Variants in HELQ observed in about 807,000 individuals in gnomAD.
HELQ encodes the protein helicase POLQ-like.
A neutral mutation model predicts 111.6 loss-of-function variants in HELQ; 77 were observed. That is an observed-to-expected ratio of 0.69 (90% CI 0.57 to 0.83). The LOEUF (loss-of-function observed/expected upper bound fraction) is 0.83. HELQ is among the 40% of genes least tolerant of loss of function. The probability of loss-of-function intolerance (pLI) is 0.00; values close to 1 mark genes in which losing one functional copy is unlikely to be tolerated. For missense variants in HELQ, 1,200 were observed against 1,288.5 expected, an observed-to-expected ratio of 0.93 and a Z score of 1.05; for synonymous variants, 438 against 454.7, an observed-to-expected ratio of 0.96 and a Z score of 0.47.
At chr4:83,447,720 G>A (rs1369029674) in intron 3 of HELQ, among the ~76,000 whole-genome samples, 5 of 151,726 alleles carry the variant, frequency 3.3e-5, no homozygotes, top group African/African-American at 9.7e-5. Context: ...TTAGCCGGGC[G>A]TGGTGGCGTG....
chr4:83,451,290 C>T (rs991071892), intron 2 of HELQ, among the ~76,000 whole-genome samples: 1 of 152,068 alleles, frequency 6.6e-6, no homozygotes, highest in East Asian at 1.9e-4. Context: ...GCCCAAAGTG[C>T]TAAGGTTGCA....
intron 15 of HELQ, among the ~76,000 whole-genome samples, chr4:83,418,539 T>C (rs549842345): frequency 7.2e-5 from 11 of 152,332 alleles, no homozygotes; most frequent in African/African-American, 2.6e-4. Context: ...ACATCTGGAA[T>C]TTATCTGGAA....
intron 2 of HELQ, among the ~76,000 whole-genome samples, chr4:83,451,958 T>C (rs2110015583): frequency 6.6e-6 from 1 of 152,338 alleles, no homozygotes; most frequent in Non-Finnish European, 1.5e-5. Flanking sequence ...TTTCATATCA[T>C]TCATAAGATC....
chr4:83,431,691 T>A lies in HELQ; in HGVS notation c.2268A>T (p.Thr756=), dbSNP rs749350328. 1 of 1,554,908 alleles carries A rather than the reference T, an allele frequency of 6.4e-7. No individual in the cohort carries two copies. The highest frequency in any genetic ancestry group is 8.7e-7 in the Non-Finnish European group (1 of 1,149,350). ...TCAAACCAATCAAAGAGAGAAATAA[T>A]GTTTGGATTCCCTTGGTGAATTCCT... ...LVQEFTKGIQ[T]LFLSLIGLKI... is the part of the protein sequence containing the mutation. Residue 756 remains threonine, a synonymous_variant, in exon 11 of 18, where the codon ACA becomes ACT. Coordinates refer to ENST00000295488, the MANE Select transcript of HELQ (RefSeq NM_133636.5).
At chr4:83,422,641 G>GA (rs1313576436) in intron 14 of HELQ, among the ~76,000 whole-genome samples, 1 of 152,192 alleles carries the variant, frequency 6.6e-6, no homozygotes, top group Non-Finnish European at 1.5e-5. Flanking sequence ...AGAGGCTCCT[G>GA]AAGGAATCAA....
intron 12 of HELQ, among the ~76,000 whole-genome samples, chr4:83,428,828 A>T (rs1403296035): frequency 4.0e-5 from 6 of 151,126 alleles, no homozygotes; most frequent in African/African-American, 1.2e-4. Flanking sequence ...GTTTCAGAAT[A>T]ATATAAATGA....
At chr4:83,439,624 G>A (rs1185165942) in intron 8 of HELQ, among the ~76,000 whole-genome samples, 1 of 152,156 alleles carries the variant, frequency 6.6e-6, no homozygotes. Context: ...GCCTCCCAAA[G>A]TGCTGGGATT....
chr4:83,439,810 G>A, intron 8 of HELQ, 53 bp downstream of exon 8: 1 of 1,164,624 alleles, frequency 8.6e-7, no homozygotes, highest in Non-Finnish European at 1.3e-6. Flanking sequence ...TTAATACATA[G>A]TCTGTAATTC....
intron 11 of HELQ, 50 bp from the exon 12 acceptor site, chr4:83,429,796 C>T: frequency 9.1e-7 from 1 of 1,094,864 alleles, no homozygotes; most frequent in South Asian, 1.4e-5. Context: ...TTCAAGGCAT[C>T]ACCTTGAATG....
At chr4:83,429,301 C>T (rs998245331) in intron 12 of HELQ, among the ~76,000 whole-genome samples, 3 of 152,090 alleles carry the variant, frequency 2.0e-5, no homozygotes, top group African/African-American at 7.2e-5. Flanking sequence ...CATGTATCAC[C>T]ATGCCTGGCT....
chr4:83,410,096 C>A (rs1275691828), intron 17 of HELQ, among the ~76,000 whole-genome samples: 3 of 151,988 alleles, frequency 2.0e-5, no homozygotes, highest in African/African-American at 4.8e-5. Flanking sequence ...ACAACAACAA[C>A]AAAAAATTAG....
intron 15 of HELQ, among the ~76,000 whole-genome samples, chr4:83,419,643 C>T (rs762388985): frequency 1.7e-4 from 25 of 151,362 alleles, no homozygotes; most frequent in Non-Finnish European, 2.5e-4. Context: ...TCCTCATAGT[C>T]GCAATGAAAA....
chr4:83,453,992 G>A, intron 1 of HELQ, 47 bp from the exon 2 acceptor site: 1 of 1,171,006 alleles, frequency 8.5e-7, no homozygotes, highest in Non-Finnish European at 1.2e-6. Context: ...GTTTCATTAA[G>A]AATAAAAGCT....
chr4:83,433,732 C>T (rs1318911622), intron 9 of HELQ, among the ~76,000 whole-genome samples: 2 of 149,680 alleles, frequency 1.3e-5, no homozygotes, highest in Admixed American at 6.7e-5. Context: ...CCTGTAAATC[C>T]CAGCACTTTG....
chr4:83,407,602 C>T (rs771464701), intron 17 of HELQ, 42 bp from the exon 18 acceptor site: 13 of 1,282,362 alleles, frequency 1.0e-5, no homozygotes, highest in African/African-American at 2.9e-5. Context: ...ATATGCATTG[C>T]TAGAGAATTG....
intron 9 of HELQ, among the ~76,000 whole-genome samples, chr4:83,432,615 T>G (rs963424709): frequency 6.6e-6 from 1 of 152,210 alleles, no homozygotes; most frequent in Admixed American, 6.5e-5. Flanking sequence ...GTAGCAGTAG[T>G]CTCCAAAGCG....
chr4:83,411,988 C>A (rs1259666899), intron 17 of HELQ, among the ~76,000 whole-genome samples: 1 of 152,070 alleles, frequency 6.6e-6, no homozygotes, highest in Non-Finnish European at 1.5e-5. Flanking sequence ...ATAGGAAGCA[C>A]ATTGAGAAAG....
In HELQ at chr4:83,446,869, C is replaced by T. The variant is rs1721076360; in HGVS notation, c.1358G>A (p.Arg453Lys). The change falls in exon 4 of 18, where the codon AGA becomes AAA. Residue 453 changes from arginine (R) to lysine (K), a missense_variant. Arg to Lys is a conservative substitution (Grantham distance 26). This residue lies in a region of HELQ where 610 missense variants were observed against 607.1 expected (regional missense o/e 1.00). Transcript: ENST00000295488. ...AACAACCAGACCCAGACTGTCAATTCTTCCAGTTTCAATCAAGGAGTTCAC... is the reference window on the plus strand; with the variant it reads ...AACAACCAGACCCAGACTGTCAATTTTTCCAGTTTCAATCAAGGAGTTCAC... ...SLVNSLIETG[R>K]IDSLGLVVVD... 2 of 1,613,520 alleles carry T rather than the reference C, an allele frequency of 1.2e-6. No individual in the cohort carries two copies. Among genetic ancestry groups the T allele is most frequent in the East Asian group, 2.2e-5 (1 of 44,876 alleles).
intron 17 of HELQ, 143 bp from the exon 18 acceptor site, chr4:83,407,703 A>T: frequency 1.6e-6 from 1 of 606,862 alleles, no homozygotes; most frequent in Non-Finnish European, 2.9e-6. Context: ...AAAAATGGCC[A>T]CTTAAGAATA....
Sources: allele counts gnomAD v4.1 joint callset (sites outside exome capture counted in the v4.1 genomes callset), GRCh38; gene constraint gnomAD v4.1.1; regional missense constraint gnomAD v4.1.1; transcripts MANE v1.5; gene names NCBI Gene and HGNC (gene_info 2026-07-23, HGNC 2026-07-21).